Variants in PGM5 observed in about 807,000 individuals in gnomAD.
PGM5 encodes the protein phosphoglucomutase 5.
A neutral mutation model predicts 59.2 loss-of-function variants in PGM5; 23 were observed. The ratio of observed to expected loss-of-function variants is 0.39; its 90% CI spans 0.28 to 0.55. The LOEUF (loss-of-function observed/expected upper bound fraction) is 0.55, where lower values mean the gene tolerates loss of function less well. PGM5 is among the 20% of genes least tolerant of loss of function. PGM5 has a pLI of 0.66. For synonymous variants in PGM5, 214 were observed against 286.0 expected (o/e 0.75, Z 2.54); for missense variants, 574 against 748.3 (o/e 0.77, Z 2.72).
At chr9:68,514,663 A>G (rs1316600847) in intron 10 of PGM5, among the ~76,000 whole-genome samples, 1 of 152,160 alleles carries the variant, frequency 6.6e-6, no homozygotes, top group Non-Finnish European at 1.5e-5. Context: ...AAGGGCAAGA[A>G]GTCCTGTGAT....
intron 1 of PGM5, among the ~76,000 whole-genome samples, chr9:68,361,970 T>C (rs1243000032): frequency 7.2e-5 from 11 of 151,926 alleles, no homozygotes; most frequent in Non-Finnish European, 1.5e-5. Context: ...CAGTAGTCTG[T>C]GACGTGAACT....
intron 2 of PGM5, among the ~76,000 whole-genome samples, chr9:68,379,761 A>T (rs1822019012): frequency 6.6e-6 from 1 of 152,076 alleles, no homozygotes; most frequent in Non-Finnish European, 1.5e-5. Flanking sequence ...ATAGAAGGAG[A>T]TATGCCATGA....
At chr9:68,505,324 G>A (rs1447913883) in intron 10 of PGM5, among the ~76,000 whole-genome samples, 3 of 152,158 alleles carry the variant, frequency 2.0e-5, no homozygotes, top group African/African-American at 7.2e-5. Context: ...AATCAATTCT[G>A]TGATTCCCTG....
chr9:68,369,075 T>G (rs1441596367), intron 1 of PGM5, among the ~76,000 whole-genome samples: 2 of 152,260 alleles, frequency 1.3e-5, no homozygotes, highest in Non-Finnish European at 2.9e-5. Context: ...AATGGACGAC[T>G]ATATCCATTA....
At chr9:68,419,816 C>T (rs142382115) in intron 6 of PGM5, among the ~76,000 whole-genome samples, 2 of 152,174 alleles carry the variant, frequency 1.3e-5, no homozygotes, top group Non-Finnish European at 2.9e-5. Context: ...GCCTTTTCCC[C>T]TCTTGACAGA....
intron 6 of PGM5, among the ~76,000 whole-genome samples, chr9:68,452,721 C>G (rs1320104496): frequency 6.6e-6 from 1 of 152,204 alleles, no homozygotes; most frequent in Non-Finnish European, 1.5e-5. Flanking sequence ...ACTAGCCATG[C>G]CTTCAGCTGT....
chr9:68,529,766 G>T lies in PGM5; in HGVS notation c.*110G>T, dbSNP rs2132124521. The T allele has an allele frequency of 3.8e-4, 137 of 361,794 alleles. No individual in the cohort carries two copies. The highest frequency in any genetic ancestry group is 1.0e-3 in the East Asian group (10 of 9,918). The allele number at this position is 361,794 out of a possible 1,614,324, so 22.4% of individuals were successfully genotyped here. On this transcript the variant is annotated 3_prime_UTR_variant, in exon 11 of 11. Coordinates refer to ENST00000396396, the MANE Select transcript of PGM5 (RefSeq NM_021965.4). Reference sequence around the variant, plus strand: ...CTCTTATGACTTTGGAAAAACAAAAGATATTTTGCTTTTGGGGGATAGAGG... The same window carrying T: ...CTCTTATGACTTTGGAAAAACAAAATATATTTTGCTTTTGGGGGATAGAGG...
Position 68,357,025 on chromosome 9 carries a change from G to T in PGM5, c.-103G>T. ...GACCTGCTGGAGAGGGGGCCCGGGCGCGAGGCGGAGTCCCGGCGCGCAGCC... is the reference window on the plus strand; with the variant it reads ...GACCTGCTGGAGAGGGGGCCCGGGCTCGAGGCGGAGTCCCGGCGCGCAGCC... On this transcript the variant is annotated 5_prime_UTR_variant, in exon 1 of 11. Coordinates refer to ENST00000396396, the MANE Select transcript of PGM5 (RefSeq NM_021965.4). 1 of 1,215,178 alleles carries T rather than the reference G, an allele frequency of 8.2e-7. No homozygotes were observed. Among genetic ancestry groups the T allele is most frequent in the Admixed American group, 3.9e-5 (1 of 25,932 alleles). 75.3% of individuals were successfully genotyped at this position (1,215,178 alleles called of 1,614,324 possible).
At chr9:68,491,465 T>C (rs1415771556) in intron 9 of PGM5, among the ~76,000 whole-genome samples, 1 of 152,192 alleles carries the variant, frequency 6.6e-6, no homozygotes, top group Non-Finnish European at 1.5e-5. Context: ...GCATTCTCAA[T>C]GGGATGCTAC....
chr9:68,377,165 G>T (rs1554677865), intron 1 of PGM5, among the ~76,000 whole-genome samples: 1 of 152,070 alleles, frequency 6.6e-6, no homozygotes, highest in Non-Finnish European at 1.5e-5. Flanking sequence ...GACCTCAAGT[G>T]ATCTGCCCAC....
At chr9:68,508,403 T>TA (rs1268937558) in intron 10 of PGM5, among the ~76,000 whole-genome samples, 48 of 152,178 alleles carry the variant, frequency 3.2e-4, no homozygotes, top group African/African-American at 9.6e-4. Flanking sequence ...TTGTTTAAAA[T>TA]AAAAAACAAA....
intron 1 of PGM5, among the ~76,000 whole-genome samples, chr9:68,368,457 T>A (rs1834722816): frequency 6.6e-6 from 1 of 151,466 alleles, no homozygotes; most frequent in Non-Finnish European, 1.5e-5. Flanking sequence ...ATGGGGACAA[T>A]CAAAGAAGAT....
At chr9:68,425,631 T>C (rs782784374) in intron 6 of PGM5, among the ~76,000 whole-genome samples, 1 of 152,226 alleles carries the variant, frequency 6.6e-6, no homozygotes, top group Non-Finnish European at 1.5e-5. Context: ...GAAATATTTT[T>C]AATCCAGAAT....
At chr9:68,516,423 A>G (rs553034278) in intron 10 of PGM5, among the ~76,000 whole-genome samples, 3 of 152,286 alleles carry the variant, frequency 2.0e-5, no homozygotes, top group South Asian at 2.1e-4. Flanking sequence ...CTTTCTTAGA[A>G]GGCTGTACCC....
At chr9:68,491,719 A>C (rs1554687883) in intron 9 of PGM5, among the ~76,000 whole-genome samples, 2 of 152,156 alleles carry the variant, frequency 1.3e-5, no homozygotes, top group African/African-American at 4.8e-5. Flanking sequence ...ATAAAATGGG[A>C]AGCTGGGTGC....
Position 68,465,268 on chromosome 9 carries a change from T to A in PGM5, c.1159+60T>A, listed in dbSNP as rs1823916683. 17 of 1,094,192 alleles carry A rather than the reference T, an allele frequency of 1.6e-5. No homozygotes were observed. In the South Asian group the frequency reaches 2.2e-4, roughly 14 times the overall value. 67.8% of individuals were successfully genotyped at this position (1,094,192 alleles called of 1,614,324 possible). On this transcript the variant is annotated intron_variant, in intron 7 of 10. Transcript: ENST00000396396. The stretch of plus-strand genomic sequence containing the variant: ...CGGCTGCAGCCTTTTGTGATCTCAG[T>A]TTGGAGATCTGTGAACTTTCTGTGA...
intron 1 of PGM5, among the ~76,000 whole-genome samples, chr9:68,362,323 G>T (rs1242367722): frequency 6.6e-6 from 1 of 152,130 alleles, no homozygotes; most frequent in Admixed American, 6.6e-5. Flanking sequence ...TCTCACTTTT[G>T]CTTTTTTGAA....
chr9:68,376,777 C>G (rs150075627), intron 1 of PGM5, among the ~76,000 whole-genome samples: 1 of 74,930 alleles, frequency 1.3e-5, no homozygotes, highest in South Asian at 5.5e-4. Flanking sequence ...TTCTTTCTTT[C>G]TTTCTTTCTT....
chr9:68,385,413 A>G (rs1822192125), intron 3 of PGM5, among the ~76,000 whole-genome samples: 3 of 152,180 alleles, frequency 2.0e-5, no homozygotes. Flanking sequence ...GTTTGTGTCC[A>G]TGTGATATTT....
Sources: gnomAD v4.1 joint callset for allele counts (sites outside exome capture counted in the v4.1 genomes callset) on GRCh38, gnomAD v4.1.1 for gene constraint, MANE v1.5 for transcripts, NCBI Gene and HGNC (gene_info 2026-07-23, HGNC 2026-07-21) for gene names.